CCDC141: variants seen among roughly 807,000 people sequenced by gnomAD.
CCDC141 encodes the protein coiled-coil domain-containing protein 141.
CCDC141 carries 168 observed loss-of-function variants against 181.0 expected under a neutral mutation model. The observed-to-expected ratio is 0.93, with a 90% CI of 0.82 to 1.05. The LOEUF (loss-of-function observed/expected upper bound fraction) is 1.05, where lower values mean the gene tolerates loss of function less well. Ranked by LOEUF, CCDC141 falls within the 50% of genes least tolerant of loss-of-function variation. The pLI, the probability that CCDC141 is intolerant of heterozygous loss-of-function variation, is 0.00. For synonymous variants in CCDC141, 666 were observed against 642.3 expected, an observed-to-expected ratio of 1.04 and a Z score of -0.56; for missense variants, 1,902 against 1,788.5, an observed-to-expected ratio of 1.06 and a Z score of -1.14.
chr2:178,977,870 A>C (rs1691193024), intron 3 of CCDC141, among the ~76,000 whole-genome samples: 1 of 152,194 alleles, frequency 6.6e-6, no homozygotes, highest in Admixed American at 6.5e-5. Flanking sequence ...TGAAATTAGA[A>C]ACCTCAAAAA....
rs150410050 is a variant in CCDC141 at position 179,039,838 on chromosome 2, T to C, written c.225+7446A>G. Among the ~76,000 whole-genome samples the C allele has an allele frequency of 4.4e-3, 670 of 152,316 alleles. 5 individuals are homozygous for C. The highest frequency in any genetic ancestry group is 0.015 in the African/African-American group (642 of 41,566). On this transcript the variant is annotated intron_variant, in intron 2 of 23. Transcript: ENST00000443758. Reference sequence around the variant, plus strand: ...CTTGACAGCATATTAGCTAGTAAATTGGTTGAATTTATGATCTATCCATTT... The same window carrying C: ...CTTGACAGCATATTAGCTAGTAAATCGGTTGAATTTATGATCTATCCATTT...
At chr2:178,995,504 G>A (rs1424975463) in intron 2 of CCDC141, among the ~76,000 whole-genome samples, 1 of 152,126 alleles carries the variant, frequency 6.6e-6, no homozygotes, top group African/African-American at 2.4e-5. Flanking sequence ...ACCATATCAA[G>A]CTGACATATA....
chr2:178,836,266 C>A (rs1469948013), intron 23 of CCDC141: 1 of 152,148 alleles, frequency 6.6e-6, no homozygotes, highest in Non-Finnish European at 1.5e-5. Context: ...AATGATGTCT[C>A]CAGAGTGAAA....
intron 6 of CCDC141, among the ~76,000 whole-genome samples, chr2:178,937,126 T>C (rs894594054): frequency 2.0e-5 from 3 of 152,176 alleles, no homozygotes; most frequent in Admixed American, 6.5e-5. Context: ...TCCAATACTA[T>C]GTTGAATAAG....
At chr2:178,825,637 A>C, downstream of CCDC141, 2 of 108,900 alleles carry the variant, frequency 1.8e-5, no homozygotes, top group Non-Finnish European at 1.7e-5. Context: ...CCCCACCAAA[A>C]TATCAGAGGA....
Position 178,833,286 on chromosome 2 carries a change from G to C in CCDC141, c.*887C>G, listed in dbSNP as rs1684336068. 6.6e-6 allele frequency: 1 copy of C among 152,148 alleles called. No individual in the cohort carries two copies. Among genetic ancestry groups the C allele is most frequent in the South Asian group, 2.1e-4 (1 of 4,828 alleles). The allele number at this position is 152,148 out of a possible 1,614,324, so 9.4% of individuals were successfully genotyped here. ...CCTCAGTGTTTTCCATTTTCCAGAT[G>C]TTTAAAAGACACAAAATGAAAACTC... On this transcript the variant is annotated 3_prime_UTR_variant, in exon 24 of 24. Transcript: ENST00000443758.
chr2:178,903,308 G>A (rs1312614186), intron 8 of CCDC141, among the ~76,000 whole-genome samples: 4 of 151,758 alleles, frequency 2.6e-5, no homozygotes, highest in South Asian at 2.1e-4. Flanking sequence ...ACATGCACAC[G>A]TATGTTTACT....
At chr2:178,987,539 A>C (rs1442862417) in intron 2 of CCDC141, among the ~76,000 whole-genome samples, 130 of 151,978 alleles carry the variant, frequency 8.6e-4, no homozygotes, top group Non-Finnish European at 8.1e-4. Context: ...GCAACCTACA[A>C]CATGGGAGAA....
At chr2:178,893,797 TCTCA>T (rs911540730) in intron 8 of CCDC141, among the ~76,000 whole-genome samples, 8 of 124,808 alleles carry the variant, frequency 6.4e-5, no homozygotes, top group East Asian at 3.4e-4. Context: ...TTTCTCTCTC[TCTCA>T]CACACACACA....
chr2:178,941,901 G>A (rs544448737), intron 6 of CCDC141, among the ~76,000 whole-genome samples: 17 of 134,156 alleles, frequency 1.3e-4, no homozygotes, highest in African/African-American at 2.6e-4. Context: ...TCGAGGCTGC[G>A]GTGAGTATGA....
At chr2:178,860,234 AC>A (rs1685544767) in intron 17 of CCDC141, among the ~76,000 whole-genome samples, 1 of 152,124 alleles carries the variant, frequency 6.6e-6, no homozygotes, top group African/African-American at 2.4e-5. Flanking sequence ...AAATCAAGAG[AC>A]CCAAAAGTTC....
At chr2:178,864,552 T>A (rs1228964547) in intron 17 of CCDC141, among the ~76,000 whole-genome samples, 3 of 152,204 alleles carry the variant, frequency 2.0e-5, no homozygotes, top group Non-Finnish European at 4.4e-5. Flanking sequence ...AGCACACCGC[T>A]GAAATGAACA....
At chr2:178,824,826 T>C (rs779466328), downstream of CCDC141, among the ~76,000 whole-genome samples, 4 of 152,130 alleles carry the variant, frequency 2.6e-5, no homozygotes, top group Non-Finnish European at 4.4e-5. Context: ...AAACCTATAA[T>C]AGGTACTTTG....
At chr2:179,032,830 A>C (rs2043036935) in intron 2 of CCDC141, among the ~76,000 whole-genome samples, 2 of 152,066 alleles carry the variant, frequency 1.3e-5, no homozygotes, top group Admixed American at 1.3e-4. Flanking sequence ...AAGGAGATGG[A>C]GGACACAGAA....
At chr2:178,935,549 T>G (rs1228287450) in intron 6 of CCDC141, among the ~76,000 whole-genome samples, 1 of 152,180 alleles carries the variant, frequency 6.6e-6, no homozygotes, top group African/African-American at 2.4e-5. Flanking sequence ...GATCATTTTA[T>G]GTCTTCCCTG....
intron 17 of CCDC141, among the ~76,000 whole-genome samples, chr2:178,862,137 G>A (rs928752690): frequency 1.5e-4 from 23 of 152,000 alleles, no homozygotes; most frequent in African/African-American, 5.3e-4. Flanking sequence ...TGATTTATTC[G>A]AATTGAAAAA....
chr2:178,834,668 T>C (rs1684403419), intron 23 of CCDC141, among the ~76,000 whole-genome samples: 1 of 151,930 alleles, frequency 6.6e-6, no homozygotes, highest in South Asian at 2.1e-4. Flanking sequence ...ACTCCTGGGA[T>C]CAAGCAATCC....
At position 178,832,205 on chromosome 2, in the gene CCDC141, T is replaced by C. The variant is rs959613442; in HGVS notation, c.*1968A>G. On this transcript the variant is annotated 3_prime_UTR_variant, in exon 24 of 24. Transcript: ENST00000443758. Reference sequence around the variant, plus strand: ...GCAGTTAGGCAAGATTCACACATTATTTGAAATTGGACAAAAAGGATACAA... The same window carrying C: ...GCAGTTAGGCAAGATTCACACATTACTTGAAATTGGACAAAAAGGATACAA... 1 of 152,138 alleles carries C rather than the reference T, an allele frequency of 6.6e-6. No homozygotes were observed. The highest frequency in any genetic ancestry group is 1.5e-5 in the Non-Finnish European group (1 of 68,038). The allele number at this position is 152,138 out of a possible 1,614,324, so 9.4% of individuals were successfully genotyped here.
At chr2:178,992,694 G>T (rs1051547978) in intron 2 of CCDC141, among the ~76,000 whole-genome samples, 5 of 151,974 alleles carry the variant, frequency 3.3e-5, no homozygotes, top group Non-Finnish European at 7.4e-5. Context: ...CATAAATAGG[G>T]GTTGCATCGT....
Sources: allele counts gnomAD v4.1 joint callset (sites outside exome capture counted in the v4.1 genomes callset), GRCh38; gene constraint gnomAD v4.1.1; transcripts MANE v1.5; gene names NCBI Gene and HGNC (gene_info 2026-07-23, HGNC 2026-07-21).